AHCTF1: variants seen among roughly 807,000 people sequenced by gnomAD.
The protein encoded by AHCTF1 is AT-hook containing transcription factor 1.
AHCTF1 carries 24 observed loss-of-function variants against 248.4 expected under a neutral mutation model. That is an observed-to-expected ratio of 0.10 (90% CI 0.07 to 0.14). The LOEUF (loss-of-function observed/expected upper bound fraction) is 0.14. Among genes scored for constraint, AHCTF1 ranks in the 10% least tolerant of loss-of-function variants. The pLI, the probability that AHCTF1 is intolerant of heterozygous loss-of-function variation, is 1.00. For synonymous variants in AHCTF1, 786 were observed against 929.8 expected (o/e 0.85, Z 2.81); for missense variants, 2,206 against 2,636.2 (o/e 0.84, Z 3.57).
At chr1:246,908,240 A>G (rs1665533395) in intron 4 of AHCTF1, among the ~76,000 whole-genome samples, 1 of 151,428 alleles carries the variant, frequency 6.6e-6, no homozygotes, top group Non-Finnish European at 1.5e-5. Flanking sequence ...CTCATTACCA[A>G]TGACAGGACA....
At chr1:246,916,918 T>A (rs1666189268) in intron 2 of AHCTF1, among the ~76,000 whole-genome samples, 1 of 152,142 alleles carries the variant, frequency 6.6e-6, no homozygotes, top group African/African-American at 2.4e-5. Flanking sequence ...TATTATTCTA[T>A]CCCTAAAGAG....
intron 24 of AHCTF1, among the ~76,000 whole-genome samples, chr1:246,868,706 A>G (rs1444787739): frequency 2.0e-5 from 3 of 151,560 alleles, no homozygotes; most frequent in Non-Finnish European, 4.4e-5. Flanking sequence ...TGCATACACT[A>G]GTAAATAAAC....
Position 246,862,850 on chromosome 1 carries a change from T to G in AHCTF1, c.3541-697A>C, listed in dbSNP as rs77823298. ...ATAATAACCAAATTATGTATCAGAA[T>G]CCTCTGAAGATTTCGTATAATGAAT... On this transcript the variant is annotated intron_variant, in intron 27 of 35. Transcript: ENST00000648844. Among the ~76,000 whole-genome samples, 1,362 of 152,316 alleles carry G rather than the reference T, an allele frequency of 8.9e-3. 19 individuals are homozygous for G. Among genetic ancestry groups the G allele is most frequent in the African/African-American group, 0.031 (1,298 of 41,562 alleles).
At chr1:246,928,343 T>C (rs1667100653) in intron 1 of AHCTF1, among the ~76,000 whole-genome samples, 1 of 151,568 alleles carries the variant, frequency 6.6e-6, no homozygotes, top group African/African-American at 2.4e-5. Flanking sequence ...CTTGCCTGTC[T>C]TCTCCACTAC....
intron 1 of AHCTF1, 165 bp downstream of exon 1, chr1:246,931,413 C>T: frequency 6.8e-7 from 1 of 1,472,656 alleles, no homozygotes; most frequent in South Asian, 1.4e-5. Flanking sequence ...CCGCTCGCCC[C>T]CTCGAGCCCC....
In AHCTF1 at chr1:246,851,233, G is replaced by C; in HGVS notation, c.4773C>G (p.Asn1591Lys). ...VDGELFVAQS[N>K]FTLILEGEEG... ...CTTCACCTTCCAATATCAAGGTAAA[G>C]TTGCTTTGAGCCACAAAAAGTTCCC... The change falls in exon 33 of 36, where the codon AAC (asparagine) becomes AAG (lysine). Residue 1591 changes from asparagine (N) to lysine (K), a missense_variant. Around this residue, in one of 6 missense-constraint regions of AHCTF1, gnomAD observed 955 missense variants for 1,055.6 expected, o/e 0.90. Coordinates refer to ENST00000648844, the MANE Select transcript of AHCTF1 (RefSeq NM_001323342.2). 1 of 1,613,896 alleles carries C rather than the reference G, an allele frequency of 6.2e-7. No homozygotes were observed. Among genetic ancestry groups the C allele is most frequent in the South Asian group, 1.1e-5 (1 of 91,068 alleles).
chr1:246,901,693 C>T (rs1256281189), intron 8 of AHCTF1, among the ~76,000 whole-genome samples: 7 of 152,056 alleles, frequency 4.6e-5, no homozygotes, highest in African/African-American at 7.2e-5. Context: ...TGGTGTGTGC[C>T]GGCAGTCCCA....
intron 21 of AHCTF1, among the ~76,000 whole-genome samples, chr1:246,883,215 C>T (rs967011134): frequency 6.6e-6 from 1 of 152,174 alleles, no homozygotes; most frequent in Non-Finnish European, 1.5e-5. Flanking sequence ...TTTCAACTAT[C>T]TTTATGTAAT....
intron 26 of AHCTF1, among the ~76,000 whole-genome samples, chr1:246,866,313 G>A (rs1266458894): frequency 6.6e-6 from 1 of 151,816 alleles, no homozygotes; most frequent in South Asian, 2.1e-4. Context: ...CCAAGAAAAG[G>A]GGACTTGCAG....
At chr1:246,854,552 G>C (rs1660969100) in intron 31 of AHCTF1, among the ~76,000 whole-genome samples, 2 of 152,072 alleles carry the variant, frequency 1.3e-5, no homozygotes, top group South Asian at 4.1e-4. Context: ...ATTCCTGACA[G>C]AAAAAATGTC....
chr1:246,905,483 C>T (rs7551797), intron 6 of AHCTF1, 58 bp downstream of exon 6: 303,849 of 1,378,064 alleles, frequency 0.22, 34,455 homozygotes, highest in Admixed American at 0.33. Flanking sequence ...GACAACAGAG[C>T]GAGACTCTGT....
intron 6 of AHCTF1, among the ~76,000 whole-genome samples, chr1:246,904,699 G>C (rs577138816): frequency 6.6e-6 from 1 of 152,178 alleles, no homozygotes; most frequent in Non-Finnish European, 1.5e-5. Flanking sequence ...GTGAACTCAA[G>C]CACGAAGCAT....
intron 1 of AHCTF1, among the ~76,000 whole-genome samples, chr1:246,927,306 T>C (rs1389773754): frequency 1.3e-5 from 2 of 151,912 alleles, no homozygotes; most frequent in Non-Finnish European, 2.9e-5. Flanking sequence ...GCCAACATGG[T>C]GAAACCCCGT....
Position 246,841,011 on chromosome 1 carries a change from G to C in AHCTF1, c.6609-13C>G. The C allele has an allele frequency of 6.3e-7, 1 of 1,583,568 alleles. No individual in the cohort carries two copies. The highest frequency in any genetic ancestry group is 2.2e-5 in the East Asian group (1 of 44,498). On this transcript the variant is annotated splice_polypyrimidine_tract_variant and intron_variant, in intron 35 of 35. Transcript: ENST00000648844. Reference sequence around the variant, plus strand: ...TTTTTCTGTGTTTCTGAAAAAAAAAGATATGATCAAGTAAGAATAAACACA... The same window carrying C: ...TTTTTCTGTGTTTCTGAAAAAAAAACATATGATCAAGTAAGAATAAACACA...
chr1:246,900,482 G>A lies in AHCTF1; in HGVS notation c.1118-13C>T, dbSNP rs1396045713. 8 of 1,580,182 alleles carry A rather than the reference G, an allele frequency of 5.1e-6. No homozygotes were observed. Among genetic ancestry groups the A allele is most frequent in the Admixed American group, 4.3e-5 (2 of 46,936 alleles). The stretch of plus-strand genomic sequence containing the variant: ...TCAGGCGATAGAGCTGGAAGAAAAA[G>A]ATAATTTTTAAAAACAGAATAAAGA... On this transcript the variant is annotated splice_polypyrimidine_tract_variant and intron_variant, in intron 8 of 35. Coordinates refer to ENST00000648844, the MANE Select transcript of AHCTF1 (RefSeq NM_001323342.2).
At position 246,860,886 on chromosome 1, in the gene AHCTF1, A is replaced by G; in HGVS notation, c.4132+13T>C. 1 of 1,597,552 alleles carries G rather than the reference A, an allele frequency of 6.3e-7. No individual in the cohort carries two copies. The highest frequency in any genetic ancestry group is 8.6e-7 in the Non-Finnish European group (1 of 1,168,380). On this transcript the variant is annotated intron_variant, in intron 29 of 35. Coordinates refer to ENST00000648844, the MANE Select transcript of AHCTF1 (RefSeq NM_001323342.2). ...TTAATAACAATTTTGAGTATTCAGA[A>G]ATGAGTTCTTACCCATTTGTTTCTG...
At chr1:246,879,879 G>A (rs1282753540) in intron 21 of AHCTF1, among the ~76,000 whole-genome samples, 1 of 152,000 alleles carries the variant, frequency 6.6e-6, no homozygotes, top group Non-Finnish European at 1.5e-5. Flanking sequence ...AAATGGTACA[G>A]CCATCCAAAT....
intron 11 of AHCTF1, among the ~76,000 whole-genome samples, chr1:246,898,653 C>T (rs1664775836): frequency 7.9e-6 from 1 of 126,144 alleles, no homozygotes; most frequent in Admixed American, 8.0e-5. Flanking sequence ...CACACACACA[C>T]ACACACACAC....
chr1:246,917,306 C>T (rs551254802), intron 2 of AHCTF1, among the ~76,000 whole-genome samples: 2 of 152,186 alleles, frequency 1.3e-5, no homozygotes, highest in Admixed American at 6.5e-5. Flanking sequence ...GTACAGACTC[C>T]GAATTTCTGC....
Sources: gnomAD v4.1 joint callset for allele counts (sites outside exome capture counted in the v4.1 genomes callset) on GRCh38, gnomAD v4.1.1 for gene constraint, gnomAD v4.1.1 regional missense constraint, MANE v1.5 for transcripts, NCBI Gene and HGNC (gene_info 2026-07-23, HGNC 2026-07-21) for gene names.